The following CCDC178 variants were observed in gnomAD, a reference collection of about 807,000 sequenced individuals.
CCDC178 encodes coiled-coil domain containing 178, also known as coiled-coil domain-containing protein 178.
Under a neutral mutation model 117.4 loss-of-function variants are expected in CCDC178, and 126 were observed. That is an observed-to-expected ratio of 1.07 (90% CI 0.93 to 1.24). The LOEUF (loss-of-function observed/expected upper bound fraction) is 1.24. Ranked by LOEUF, CCDC178 falls within the 50% of genes most tolerant of loss-of-function variation. The pLI is 0.00. For missense variants in CCDC178, 1,030 were observed against 986.9 expected (o/e 1.04, Z -0.59); for synonymous variants, 283 against 313.4 (o/e 0.90, Z 1.02).
At chr18:32,961,137 C>G (rs2054695623) in intron 22 of CCDC178, among the ~76,000 whole-genome samples, 1 of 152,042 alleles carries the variant, frequency 6.6e-6, no homozygotes, top group Non-Finnish European at 1.5e-5. Context: ...TTCAACTCTT[C>G]CATATTCTTA....
chr18:33,030,523 A>AGATAGATAGATAGAT (rs2056316822), intron 21 of CCDC178, among the ~76,000 whole-genome samples: 3 of 18,328 alleles, frequency 1.6e-4, no homozygotes, highest in Admixed American at 7.2e-4. Flanking sequence ...AACTGATAGA[A>AGATAGATAGATAGAT]GATAGATAGA....
Position 33,299,328 on chromosome 18 carries a change from G to C in CCDC178, c.1023-6016C>G, listed in dbSNP as rs200232126. Among the ~76,000 whole-genome samples the C allele has an allele frequency of 6.6e-5, 10 of 152,134 alleles. No homozygotes were observed. In the East Asian group the frequency reaches 1.9e-3, roughly 29 times the overall value. On this transcript the variant is annotated intron_variant, in intron 11 of 22. Transcript: ENST00000383096. Reference sequence around the variant, plus strand: ...CTACAACCAACTGATTTTTGACAAAGACAGAAAGAATACACTTTGGGGAAA... The same window carrying C: ...CTACAACCAACTGATTTTTGACAAACACAGAAAGAATACACTTTGGGGAAA...
chr18:33,008,650 C>A (rs2055798678), intron 21 of CCDC178, among the ~76,000 whole-genome samples: 1 of 152,016 alleles, frequency 6.6e-6, no homozygotes, highest in African/African-American at 2.4e-5. Context: ...GCTGTCTCTA[C>A]TCATGTCTGC....
intron 20 of CCDC178, among the ~76,000 whole-genome samples, chr18:33,166,153 C>T (rs1200853415): frequency 6.6e-6 from 1 of 152,126 alleles, no homozygotes; most frequent in East Asian, 1.9e-4. Context: ...CTTCCTCTCC[C>T]CCTCTTTCTT....
chr18:33,197,311 G>A (rs1441732475), intron 20 of CCDC178, among the ~76,000 whole-genome samples: 2 of 152,168 alleles, frequency 1.3e-5, no homozygotes, highest in East Asian at 3.9e-4. Context: ...TTGCAGGTGC[G>A]AGCCACCGCA....
intron 21 of CCDC178, among the ~76,000 whole-genome samples, chr18:33,023,112 T>C (rs539858056): frequency 6.6e-6 from 1 of 151,974 alleles, no homozygotes; most frequent in South Asian, 2.1e-4. Context: ...AAAGGACGAG[T>C]AGAAAAATCC....
chr18:33,328,786 G>T (rs1338264638), intron 10 of CCDC178, among the ~76,000 whole-genome samples: 3 of 152,010 alleles, frequency 2.0e-5, no homozygotes, highest in Non-Finnish European at 4.4e-5. Flanking sequence ...GCTATCTGGG[G>T]TTCCTTGCAA....
At chr18:33,261,425 CT>C (rs112215464) in intron 14 of CCDC178, among the ~76,000 whole-genome samples, 10,237 of 152,236 alleles carry the variant, frequency 0.067, 513 homozygotes, top group African/African-American at 0.14. Context: ...GTATGCCCCC[CT>C]CTATTGATTT....
intron 21 of CCDC178, among the ~76,000 whole-genome samples, chr18:33,029,636 A>G (rs1395724989): frequency 6.6e-6 from 1 of 151,992 alleles, no homozygotes. Flanking sequence ...ATTTACAGCT[A>G]TAAATTTTGC....
At chr18:33,302,687 T>A (rs550774219) in intron 11 of CCDC178, among the ~76,000 whole-genome samples, 8 of 152,338 alleles carry the variant, frequency 5.3e-5, no homozygotes, top group African/African-American at 1.9e-4. Context: ...ACAAAAAGAA[T>A]GAAATCTTGT....
chr18:32,971,781 T>C (rs552637289), intron 22 of CCDC178, among the ~76,000 whole-genome samples: 2 of 152,324 alleles, frequency 1.3e-5, no homozygotes, highest in South Asian at 4.1e-4. Context: ...TCAGTGATGA[T>C]GAGCTTTTTT....
chr18:33,334,901 G>A (rs935205157), intron 9 of CCDC178, among the ~76,000 whole-genome samples: 2 of 151,836 alleles, frequency 1.3e-5, no homozygotes, highest in African/African-American at 4.8e-5. Context: ...ATTTTTCTCT[G>A]TAAATTTATT....
chr18:33,077,091 T>G (rs1364870197), intron 21 of CCDC178, among the ~76,000 whole-genome samples: 1 of 152,252 alleles, frequency 6.6e-6, no homozygotes, highest in East Asian at 1.9e-4. Flanking sequence ...TGCTTAATCA[T>G]ATTCATGCCC....
At chr18:33,040,758 C>A (rs546763032) in intron 21 of CCDC178, among the ~76,000 whole-genome samples, 3 of 151,872 alleles carry the variant, frequency 2.0e-5, no homozygotes, top group African/African-American at 7.3e-5. Context: ...CCAAATTGTT[C>A]CCCTAGTATC....
In CCDC178 at chr18:33,400,773, G is replaced by A. The variant is rs192375773; in HGVS notation, c.59-3565C>T. ...ATTCCTGTGTTCACTGGAGTAGCAC[G>A]TTTAATTCCCTTCAAGAACTTTTCC... On this transcript the variant is annotated intron_variant, in intron 3 of 22. Coordinates refer to ENST00000383096, the MANE Select transcript of CCDC178 (RefSeq NM_001105528.4). Among the ~76,000 whole-genome samples the A allele has an allele frequency of 7.9e-5, 12 of 152,282 alleles. No individual in the cohort carries two copies. In the East Asian group the frequency reaches 1.7e-3, roughly 22 times the overall value.
chr18:32,996,234 T>G lies in CCDC178; in HGVS notation c.2389-21553A>C, dbSNP rs1489938280. On this transcript the variant is annotated intron_variant, in intron 21 of 22. Transcript: ENST00000383096. ...CAGCAAGAAAACCCACTATAAAATC[T>G]GTAGTAATAAAGTTACAAAACTTTA... is the stretch of plus-strand genomic sequence containing the variant. Among the ~76,000 whole-genome samples the G allele has an allele frequency of 2.6e-5, 4 of 151,934 alleles. No individual in the cohort carries two copies. In the East Asian group the frequency reaches 5.8e-4, roughly 22 times the overall value.
At chr18:33,283,690 C>A (rs966403930) in intron 12 of CCDC178, among the ~76,000 whole-genome samples, 19 of 152,016 alleles carry the variant, frequency 1.2e-4, no homozygotes, top group African/African-American at 4.6e-4. Flanking sequence ...AAAATGCAAA[C>A]AAAACCACAA....
At chr18:32,983,306 A>G (rs1185379645) in intron 21 of CCDC178, 3 of 1,530,650 alleles carry the variant, frequency 2.0e-6, no homozygotes, top group Non-Finnish European at 2.6e-6. Flanking sequence ...TTCATCTGAT[A>G]TAATTGGCAG....
intron 20 of CCDC178, among the ~76,000 whole-genome samples, chr18:33,186,802 A>G (rs1301784998): frequency 6.6e-6 from 1 of 152,048 alleles, no homozygotes; most frequent in African/African-American, 2.4e-5. Context: ...CTAGATTAGA[A>G]GTGACCAATA....
Sources: gnomAD v4.1 joint callset for allele counts (sites outside exome capture counted in the v4.1 genomes callset) on GRCh38, gnomAD v4.1.1 for gene constraint, MANE v1.5 for transcripts, NCBI Gene and HGNC (gene_info 2026-07-23, HGNC 2026-07-21) for gene names.